TANC2: variants seen among roughly 807,000 people sequenced by gnomAD.
TANC2 encodes protein TANC2.
A neutral mutation model predicts 210.5 loss-of-function variants in TANC2; 26 were observed. The ratio of observed to expected loss-of-function variants is 0.12; its 90% CI spans 0.09 to 0.17. TANC2 has a LOEUF of 0.17. Ranked by LOEUF, TANC2 falls within the 10% of genes least tolerant of loss-of-function variation. The pLI is 1.00. For missense variants in TANC2, 2,129 were observed against 2,608.9 expected (o/e 0.82, Z 4.01); for synonymous variants, 931 against 967.1 (o/e 0.96, Z 0.69).
intron 15 of TANC2, 57 bp from the exon 16 acceptor site, chr17:63,388,578 C>G (rs543693833): frequency 1.3e-6 from 2 of 1,549,630 alleles, no homozygotes; most frequent in South Asian, 2.4e-5. Flanking sequence ...TAATTCACCA[C>G]TGATGCTACT....
chr17:63,230,382 C>T (rs1214039746), intron 7 of TANC2, among the ~76,000 whole-genome samples: 1 of 151,942 alleles, frequency 6.6e-6, no homozygotes, highest in African/African-American at 2.4e-5. Context: ...GTTAGGGTAT[C>T]GATTTGAGAT....
intron 8 of TANC2, among the ~76,000 whole-genome samples, chr17:63,240,297 C>G (rs1228462909): frequency 2.0e-5 from 3 of 152,166 alleles, no homozygotes; most frequent in Non-Finnish European, 4.4e-5. Flanking sequence ...GACAAAGAAG[C>G]TTTGTCTCAA....
At chr17:63,100,545 T>A (rs142097576) in intron 4 of TANC2, among the ~76,000 whole-genome samples, 2 of 152,250 alleles carry the variant, frequency 1.3e-5, no homozygotes, top group African/African-American at 4.8e-5. Flanking sequence ...TGATTAGGCT[T>A]AAATAAAATC....
At chr17:63,055,492 T>C (rs78890345) in intron 2 of TANC2, among the ~76,000 whole-genome samples, 4,501 of 152,222 alleles carry the variant, frequency 0.03, 81 homozygotes, top group South Asian at 0.037. Context: ...ATTTCTGCAC[T>C]TCTTACATCA....
intron 5 of TANC2, among the ~76,000 whole-genome samples, chr17:63,176,544 G>A (rs575004874): frequency 5.9e-5 from 9 of 152,104 alleles, no homozygotes; most frequent in Non-Finnish European, 1.3e-4. Flanking sequence ...GGTGGCTTAC[G>A]CCTGTAATCC....
intron 7 of TANC2, among the ~76,000 whole-genome samples, chr17:63,207,208 T>C (rs2041742985): frequency 6.7e-6 from 1 of 150,082 alleles, no homozygotes; most frequent in African/African-American, 2.5e-5. Context: ...TTCTTTTTTT[T>C]TCCTTTTTTT....
chr17:63,239,472 A>G (rs771329787), intron 8 of TANC2, among the ~76,000 whole-genome samples: 5 of 152,308 alleles, frequency 3.3e-5, no homozygotes, highest in Non-Finnish European at 7.4e-5. Context: ...GCTTCTTGCC[A>G]TTCCCAGTTC....
At chr17:63,113,904 A>C (rs1459641410) in intron 4 of TANC2, among the ~76,000 whole-genome samples, 2 of 152,210 alleles carry the variant, frequency 1.3e-5, no homozygotes, top group Non-Finnish European at 2.9e-5. Flanking sequence ...GTTATACCAG[A>C]GTTGGTTGAA....
At chr17:63,364,267 T>C (rs1459949910) in intron 14 of TANC2, among the ~76,000 whole-genome samples, 1 of 152,228 alleles carries the variant, frequency 6.6e-6, no homozygotes, top group Non-Finnish European at 1.5e-5. Context: ...GCATAAATCA[T>C]AGGATCGACA....
chr17:62,986,462 C>A (rs974667154), intron 1 of TANC2, among the ~76,000 whole-genome samples: 32 of 152,050 alleles, frequency 2.1e-4, no homozygotes, highest in Non-Finnish European at 8.8e-5. Context: ...ACTTCTCTGG[C>A]CCTTGATTTG....
At chr17:63,400,764 C>T (rs1384676277) in intron 19 of TANC2, among the ~76,000 whole-genome samples, 1 of 151,870 alleles carries the variant, frequency 6.6e-6, no homozygotes, top group Non-Finnish European at 1.5e-5. Context: ...CTGCCTCAGC[C>T]TCCCGAGTAG....
At chr17:63,307,428 T>C (rs972496016) in intron 9 of TANC2, among the ~76,000 whole-genome samples, 4 of 152,220 alleles carry the variant, frequency 2.6e-5, no homozygotes, top group Admixed American at 6.5e-5. Context: ...GTAAGTTTCC[T>C]TCCCCCGATG....
Position 63,376,315 on chromosome 17 carries a change from C to T in TANC2, c.2583-3403C>T, listed in dbSNP as rs540275269. Among the ~76,000 whole-genome samples, 14 of 150,690 alleles carry T rather than the reference C, an allele frequency of 9.3e-5. No homozygotes were observed. The South Asian group carries it at 1.5e-3, about 16-fold the overall frequency. ...AAAATTAGCCGGGCATGGTGGCAGG[C>T]GCCTGTAGTCCCCATATGTTGTGGG... On this transcript the variant is annotated intron_variant, in intron 14 of 27. Coordinates refer to ENST00000689528, the Ensembl canonical transcript of TANC2.
chr17:63,310,378 CAG>C (rs755398433), intron 9 of TANC2, among the ~76,000 whole-genome samples: 11 of 152,020 alleles, frequency 7.2e-5, no homozygotes, highest in Non-Finnish European at 1.2e-4. Flanking sequence ...ACCTGGGAGG[CAG>C]AGATTGCAGT....
At chr17:63,029,651 A>G (rs1229998331) in intron 2 of TANC2, among the ~76,000 whole-genome samples, 1 of 151,980 alleles carries the variant, frequency 6.6e-6, no homozygotes, top group East Asian at 1.9e-4. Context: ...TGGTTCATTA[A>G]TTCACTCCAC....
At chr17:63,007,988 GTTT>G (rs56950914) in intron 1 of TANC2, among the ~76,000 whole-genome samples, 51 of 118,314 alleles carry the variant, frequency 4.3e-4, no homozygotes, top group African/African-American at 1.5e-3. Context: ...ATTGGCGCCA[GTTT>G]TTTTTTTTTT....
intron 4 of TANC2, among the ~76,000 whole-genome samples, chr17:63,143,296 C>T (rs561641593): frequency 4.4e-4 from 67 of 152,278 alleles, no homozygotes; most frequent in Non-Finnish European, 6.9e-4. Flanking sequence ...AAAAAGTTAT[C>T]ATGATGCCTC....
At chr17:63,180,165 C>G (rs1184123995) in intron 5 of TANC2, among the ~76,000 whole-genome samples, 2 of 152,002 alleles carry the variant, frequency 1.3e-5, no homozygotes, top group African/African-American at 4.8e-5. Context: ...AATGGCTTCC[C>G]TCTAGCCTTA....
At chr17:63,115,398 T>C (rs1249388525) in intron 4 of TANC2, among the ~76,000 whole-genome samples, 2 of 152,230 alleles carry the variant, frequency 1.3e-5, no homozygotes, top group African/African-American at 2.4e-5. Flanking sequence ...AAACCACTTA[T>C]ACTTCTTTAT....
Sources: gnomAD v4.1 joint callset for allele counts (sites outside exome capture counted in the v4.1 genomes callset) on GRCh38, gnomAD v4.1.1 for gene constraint, MANE v1.5 for transcripts, NCBI Gene and HGNC (gene_info 2026-07-23, HGNC 2026-07-21) for gene names.